CCDC125: variants seen among roughly 807,000 people sequenced by gnomAD.
CCDC125 encodes the protein coiled-coil domain-containing protein 125.
In CCDC125, 43 loss-of-function variants were observed where a neutral mutation model predicts 57.4. The observed-to-expected ratio is 0.75, with a 90% CI of 0.59 to 0.97. The LOEUF (loss-of-function observed/expected upper bound fraction) is 0.97, where lower values mean the gene tolerates loss of function less well. Among genes scored for constraint, CCDC125 ranks in the 50% least tolerant of loss-of-function variants. The pLI is 0.00. For missense variants in CCDC125, 563 were observed against 595.7 expected (o/e 0.95, Z 0.57); for synonymous variants, 187 against 195.2 (o/e 0.96, Z 0.35).
chr5:69,320,295 C>T lies in CCDC125; in HGVS notation c.246G>A (p.Gln82=). Reference sequence around the variant, plus strand: ...TGGACACTTGAGGGAATGTATCTTGCTGGCTCTTATGCTTGGAATACTGAA... The same window carrying T: ...TGGACACTTGAGGGAATGTATCTTGTTGGCTCTTATGCTTGGAATACTGAA... ...ASFQYSKHKS[Q]QDTFPQVSRI... The change falls in exon 2 of 12, where the codon CAG becomes CAA. Residue 82 remains glutamine, a synonymous_variant. Coordinates refer to ENST00000396496, the MANE Select transcript of CCDC125 (RefSeq NM_176816.5). The T allele has an allele frequency of 1.2e-6, 2 of 1,614,112 alleles. No homozygotes were observed. The highest frequency in any genetic ancestry group is 1.7e-6 in the Non-Finnish European group (2 of 1,180,024).
chr5:69,280,043 C>A (rs1412551676), downstream of CCDC125: 1 of 152,032 alleles, frequency 6.6e-6, no homozygotes, highest in African/African-American at 2.4e-5. Flanking sequence ...GGGGATACCA[C>A]CCCCATGATC....
At chr5:69,306,782 G>A (rs778064356) in intron 6 of CCDC125, 35 bp downstream of exon 6, 1 of 1,366,668 alleles carries the variant, frequency 7.3e-7, no homozygotes, top group Non-Finnish European at 9.5e-7. Flanking sequence ...GATTTTAAAG[G>A]TTGTCAAAGA....
intron 8 of CCDC125, among the ~76,000 whole-genome samples, chr5:69,299,445 A>G (rs1756004544): frequency 6.6e-6 from 1 of 152,144 alleles, no homozygotes; most frequent in South Asian, 2.1e-4. Context: ...GCTGCCCCCT[A>G]TCACTCTACT....
At chr5:69,302,149 T>C (rs1489657528) in intron 7 of CCDC125, among the ~76,000 whole-genome samples, 1 of 151,686 alleles carries the variant, frequency 6.6e-6, no homozygotes, top group African/African-American at 2.4e-5. Flanking sequence ...AGTTTGGACA[T>C]GGTGATTCAC....
chr5:69,317,472 GAGCTACC>G (rs1759305333), intron 2 of CCDC125, among the ~76,000 whole-genome samples: 1 of 149,122 alleles, frequency 6.7e-6, no homozygotes, highest in African/African-American at 2.6e-5. Context: ...GATGAACCCT[GAGCTACC>G]ACGAGCTACC....
chr5:69,292,290 G>A lies in CCDC125; in HGVS notation c.997C>T (p.Gln333Ter). Residue 333 changes from glutamine to a stop codon, truncating the protein, a stop_gained, in exon 10 of 12, where the codon CAA (glutamine) becomes TAA (stop). Transcript: ENST00000396496. LOFTEE classifies it high-confidence loss of function. Reference sequence around the variant, plus strand: ...GCCTGGTCATTTTTTCTCATTAATTGTTGCTCAAATGCAATTCTGAAAGCA... The same window carrying A: ...GCCTGGTCATTTTTTCTCATTAATTATTGCTCAAATGCAATTCTGAAAGCA... ...ADAFRIAFEQ[Q>*]LMRKNDQALQ... 1.2e-6 allele frequency: 2 copies of A among 1,613,250 alleles called. No homozygotes were observed. The highest frequency in any genetic ancestry group is 1.7e-6 in the Non-Finnish European group (2 of 1,179,608).
At chr5:69,279,914 C>T (rs895489268), downstream of CCDC125, among the ~76,000 whole-genome samples, 2 of 152,158 alleles carry the variant, frequency 1.3e-5, no homozygotes, top group African/African-American at 2.4e-5. Flanking sequence ...GGGCAGGCCT[C>T]AGGAAACTTA....
rs1326501548 is a variant in CCDC125, at chr5:69,307,948, T to C, written c.531+3A>G. On this transcript the variant is annotated splice_donor_region_variant and intron_variant, in intron 5 of 11. Transcript: ENST00000396496. ...ATAAGTCTACACTAAAAGCACCAAA[T>C]ACCTTCTCCAAGGATCTGTTTTGTT... 4 of 1,610,626 alleles carry C rather than the reference T, an allele frequency of 2.5e-6. No individual in the cohort carries two copies. The highest frequency in any genetic ancestry group is 3.4e-6 in the Non-Finnish European group (4 of 1,176,968).
chr5:69,323,322 T>A (rs573528427), intron 1 of CCDC125, among the ~76,000 whole-genome samples: 11 of 151,684 alleles, frequency 7.3e-5, no homozygotes, highest in East Asian at 3.9e-4. Context: ...AAAAAAAAAA[T>A]TTGTTAATTT....
At chr5:69,319,737 T>A (rs1166795694) in intron 2 of CCDC125, among the ~76,000 whole-genome samples, 1 of 151,938 alleles carries the variant, frequency 6.6e-6, no homozygotes, top group African/African-American at 2.4e-5. Flanking sequence ...TGCCTCAGCC[T>A]CCCAAAGTGC....
chr5:69,314,372 G>A (rs532763546), intron 2 of CCDC125, among the ~76,000 whole-genome samples: 1 of 152,164 alleles, frequency 6.6e-6, no homozygotes, highest in Admixed American at 6.5e-5. Flanking sequence ...GGCTGAGGCA[G>A]GAGAATCACT....
chr5:69,281,718 T>G lies in CCDC125; in HGVS notation c.*1011A>C, dbSNP rs560809267. ...AACAAGATAAATGAATTCCAGAAAT[T>G]AACATTCAGTCAGTCCTAGGTATTG... On this transcript the variant is annotated 3_prime_UTR_variant, in exon 12 of 12. Transcript: ENST00000396496. 1 of 152,126 alleles carries G rather than the reference T, an allele frequency of 6.6e-6. No individual in the cohort carries two copies. The highest frequency in any genetic ancestry group is 1.5e-5 in the Non-Finnish European group (1 of 68,014). The allele number at this position is 152,126 out of a possible 1,614,324, so 9.4% of individuals were successfully genotyped here.
At chr5:69,309,698 G>A (rs1472925479) in intron 4 of CCDC125, 1 of 152,318 alleles carries the variant, frequency 6.6e-6, no homozygotes, top group Non-Finnish European at 1.5e-5. Flanking sequence ...TATGAGAAGA[G>A]GGCCACCATC....
chr5:69,329,829 C>T (rs533075706), intron 1 of CCDC125, among the ~76,000 whole-genome samples: 4 of 152,176 alleles, frequency 2.6e-5, no homozygotes, highest in African/African-American at 9.6e-5. Context: ...TATTCCAGCC[C>T]AGGCATACGT....
intron 3 of CCDC125, among the ~76,000 whole-genome samples, chr5:69,311,567 G>A (rs966529363): frequency 3.3e-5 from 5 of 152,098 alleles, no homozygotes; most frequent in African/African-American, 7.2e-5. Context: ...CAGGAGAATC[G>A]CTTGAACCCG....
intron 8 of CCDC125, among the ~76,000 whole-genome samples, chr5:69,295,733 G>A (rs139780730): frequency 6.6e-6 from 1 of 152,048 alleles, no homozygotes; most frequent in East Asian, 1.9e-4. Context: ...AAAAGAAAAC[G>A]ATCACCTCAA....
chr5:69,328,235 T>C (rs1317848915), intron 1 of CCDC125, among the ~76,000 whole-genome samples: 2 of 152,190 alleles, frequency 1.3e-5, no homozygotes, highest in Admixed American at 1.3e-4. Context: ...TGAGTCTGTA[T>C]TTATGCCTGT....
At chr5:69,309,145 A>C (rs1757774338) in intron 4 of CCDC125, 1 of 152,252 alleles carries the variant, frequency 6.6e-6, no homozygotes, top group Admixed American at 6.5e-5. Context: ...GCAATAGAAA[A>C]GAAAATCCCA....
intron 1 of CCDC125, among the ~76,000 whole-genome samples, chr5:69,322,372 A>G (rs1279249600): frequency 6.6e-6 from 1 of 152,076 alleles, no homozygotes; most frequent in Non-Finnish European, 1.5e-5. Context: ...CTGAAATACA[A>G]TCATCCCAAG....
Sources: gnomAD v4.1 joint callset for allele counts (sites outside exome capture counted in the v4.1 genomes callset) on GRCh38, gnomAD v4.1.1 for gene constraint, MANE v1.5 for transcripts, NCBI Gene and HGNC (gene_info 2026-07-23, HGNC 2026-07-21) for gene names.